ARHGEF3: variants seen among roughly 807,000 people sequenced by gnomAD.
The protein encoded by ARHGEF3 is Rho guanine nucleotide exchange factor 3.
ARHGEF3 carries 28 observed loss-of-function variants against 63.2 expected under a neutral mutation model. That is an observed-to-expected ratio of 0.44 (90% CI 0.33 to 0.61). ARHGEF3 has a LOEUF of 0.61. ARHGEF3 is among the 20% of genes least tolerant of loss of function. ARHGEF3 has a pLI of 0.03. For synonymous variants in ARHGEF3, 266 were observed against 254.2 expected (o/e 1.05, Z -0.44); for missense variants, 533 against 659.3 (o/e 0.81, Z 2.10).
At chr3:57,004,074 G>C (rs1702370894) in intron 2 of ARHGEF3, among the ~76,000 whole-genome samples, 1 of 152,188 alleles carries the variant, frequency 6.6e-6, no homozygotes, top group Non-Finnish European at 1.5e-5. Flanking sequence ...TCCAGAGGGA[G>C]GCAGAGAAGC....
chr3:56,814,927 G>A (rs1425266388), intron 4 of ARHGEF3, among the ~76,000 whole-genome samples: 1 of 152,066 alleles, frequency 6.6e-6, no homozygotes, highest in Admixed American at 6.6e-5. Flanking sequence ...CCAGGAGTCT[G>A]AGACTAGCCT....
rs373764097 is a variant in ARHGEF3 at position 56,958,259 on chromosome 3, C to T, written c.129+564G>A. On this transcript the variant is annotated intron_variant, in intron 3 of 12. Coordinates refer to the ARHGEF3 transcript ENST00000338458. Reference sequence around the variant, plus strand: ...TTCTTAGCTTCTTCACAAGATGCTTCCTGCAGCCCAAGACCCTCAGGGCAG... The same window carrying T: ...TTCTTAGCTTCTTCACAAGATGCTTTCTGCAGCCCAAGACCCTCAGGGCAG... Among the ~76,000 whole-genome samples the T allele has an allele frequency of 4.7e-4, 72 of 152,166 alleles. 1 individual carries two copies. In the East Asian group the frequency reaches 8.5e-3, roughly 18 times the overall value.
intron 4 of ARHGEF3, among the ~76,000 whole-genome samples, chr3:56,863,859 C>T (rs1236028583): frequency 6.6e-6 from 1 of 152,166 alleles, no homozygotes; most frequent in Non-Finnish European, 1.5e-5. Context: ...GAAACTGAGA[C>T]CCAGAGAGGT....
chr3:56,948,374 A>G (rs1699624849), intron 3 of ARHGEF3, among the ~76,000 whole-genome samples: 4 of 152,226 alleles, frequency 2.6e-5, no homozygotes. Flanking sequence ...AAATTGATAG[A>G]CCACTAGCAA....
At chr3:56,835,684 T>G (rs555887524) in intron 4 of ARHGEF3, among the ~76,000 whole-genome samples, 1 of 152,214 alleles carries the variant, frequency 6.6e-6, no homozygotes, top group East Asian at 1.9e-4. Context: ...GAGTAACTAT[T>G]TAGCTTTAGC....
At chr3:56,889,629 G>A (rs1406511177) in intron 3 of ARHGEF3, among the ~76,000 whole-genome samples, 3 of 152,204 alleles carry the variant, frequency 2.0e-5, no homozygotes, top group African/African-American at 7.2e-5. Flanking sequence ...GTGCTGGAGA[G>A]AGGATTTTCT....
At chr3:56,887,592 C>G (rs192684393) in intron 3 of ARHGEF3, among the ~76,000 whole-genome samples, 1 of 152,210 alleles carries the variant, frequency 6.6e-6, no homozygotes, top group Non-Finnish European at 1.5e-5. Context: ...GCATAAAAAA[C>G]CACTGATCAG....
rs114488543 is a variant in ARHGEF3 at position 56,766,265 on chromosome 3, T to G, written c.204+7444A>C. On this transcript the variant is annotated intron_variant, in intron 2 of 9. Coordinates refer to ENST00000296315, the MANE Select transcript of ARHGEF3 (RefSeq NM_019555.3). ...AAATAACATTAATGGAGACCACTAA[T>G]TTATCATATGTTCATGCTGCATCTG... Among the ~76,000 whole-genome samples, 407 of 152,344 alleles carry G rather than the reference T, an allele frequency of 2.7e-3. 2 individuals are homozygous for G. Among genetic ancestry groups the G allele is most frequent in the Non-Finnish European group, 3.6e-3 (248 of 68,024 alleles).
Position 56,795,830 on chromosome 3 carries a change from T to C in ARHGEF3, c.96+5873A>G, listed in dbSNP as rs138568890. Among the ~76,000 whole-genome samples, 105 of 152,056 alleles carry C rather than the reference T, an allele frequency of 6.9e-4. 4 individuals carry two copies. In the East Asian group the frequency reaches 0.016, roughly 23 times the overall value. On this transcript the variant is annotated intron_variant, in intron 1 of 9. Transcript: ENST00000296315. ...CTAATTTTTGAATTTTTAGTAGAGA[T>C]GGGGTTTCACCGTTGGTCAGGCTGG...
intron 1 of ARHGEF3, among the ~76,000 whole-genome samples, chr3:57,041,642 T>G (rs577305479): frequency 3.9e-5 from 6 of 152,324 alleles, no homozygotes; most frequent in East Asian, 1.9e-4. Flanking sequence ...GGGCATGCCC[T>G]CCAGGGAAAT....
Position 56,751,378 on chromosome 3 carries a change from G to C in ARHGEF3, c.457C>G (p.Leu153Val). 6.2e-7 allele frequency: 1 copy of C among 1,613,970 alleles called. No individual in the cohort carries two copies. The highest frequency in any genetic ancestry group is 1.1e-5 in the South Asian group (1 of 91,074). Residue 153 changes from leucine (L) to valine (V), a missense_variant, in exon 5 of 10, where the codon CTG becomes GTG. Leu to Val is a conservative substitution (Grantham distance 32). Around this residue, in one of 4 missense-constraint regions of ARHGEF3, gnomAD observed 107 missense variants for 207.9 expected, o/e 0.51. Transcript: ENST00000296315. ...LAKKAYHDPM[L>V]KLSIMTEQEL... ...TGTTCTGTCATTATGGAGAGTTTCA[G>C]CATGGGGTCATGATAGGCCTGCACA...
chr3:56,789,386 GTTC>G (rs1275824137), intron 1 of ARHGEF3, among the ~76,000 whole-genome samples: 1 of 152,206 alleles, frequency 6.6e-6, no homozygotes, highest in Admixed American at 6.5e-5. Context: ...ACTTTGGCAT[GTTC>G]TTTGACGCTT....
intron 1 of ARHGEF3, among the ~76,000 whole-genome samples, chr3:56,796,379 G>A (rs1004129442): frequency 2.0e-5 from 3 of 152,156 alleles, no homozygotes; most frequent in Non-Finnish European, 4.4e-5. Context: ...AAGGCTTGTG[G>A]TTAATATAGA....
At chr3:57,021,820 G>GACC (rs1428921173) in intron 2 of ARHGEF3, among the ~76,000 whole-genome samples, 1 of 151,594 alleles carries the variant, frequency 6.6e-6, no homozygotes, top group East Asian at 1.9e-4. Context: ...AAGTCATACT[G>GACC]ACTAGAAAGG....
At chr3:56,931,240 A>T (rs1285569680) in intron 3 of ARHGEF3, among the ~76,000 whole-genome samples, 1 of 152,192 alleles carries the variant, frequency 6.6e-6, no homozygotes, top group Non-Finnish European at 1.5e-5. Context: ...AAGTTCCGTG[A>T]TGGGAAACAT....
intron 4 of ARHGEF3, among the ~76,000 whole-genome samples, chr3:56,813,984 A>C (rs2038169364): frequency 6.6e-6 from 1 of 152,208 alleles, no homozygotes; most frequent in South Asian, 2.1e-4. Flanking sequence ...TGGAAGCAGG[A>C]ATAATTGAGG....
At chr3:56,917,022 T>C (rs1340215975) in intron 3 of ARHGEF3, among the ~76,000 whole-genome samples, 1 of 152,236 alleles carries the variant, frequency 6.6e-6, no homozygotes, top group Non-Finnish European at 1.5e-5. Flanking sequence ...GTCTTCCTGC[T>C]CAGAGCTATT....
chr3:57,014,998 T>C (rs898226348), intron 2 of ARHGEF3, among the ~76,000 whole-genome samples: 1 of 151,692 alleles, frequency 6.6e-6, no homozygotes, highest in Non-Finnish European at 1.5e-5. Context: ...GCTTGTTAAC[T>C]TTTTTCATGT....
chr3:57,041,665 C>T (rs1211422296), intron 1 of ARHGEF3, among the ~76,000 whole-genome samples: 1 of 152,182 alleles, frequency 6.6e-6, no homozygotes, highest in Non-Finnish European at 1.5e-5. Context: ...ACAAAAGCTC[C>T]GTGTACTCCT....
Sources: allele counts gnomAD v4.1 joint callset (sites outside exome capture counted in the v4.1 genomes callset), GRCh38; gene constraint gnomAD v4.1.1; regional missense constraint gnomAD v4.1.1; transcripts MANE v1.5; gene names NCBI Gene and HGNC (gene_info 2026-07-23, HGNC 2026-07-21).